Variants in ELAPOR2 observed in about 807,000 individuals in gnomAD.
The protein encoded by ELAPOR2 is endosome/lysosome-associated apoptosis and autophagy regulator family member 2.
ELAPOR2 carries 89 observed loss-of-function variants against 120.7 expected under a neutral mutation model. That is an observed-to-expected ratio of 0.74 (90% CI 0.62 to 0.88). The LOEUF is 0.88. Ranked by LOEUF, ELAPOR2 falls within the 40% of genes least tolerant of loss-of-function variation. The pLI is 0.00. For missense variants in ELAPOR2, 1,134 were observed against 1,251.6 expected (o/e 0.91, Z 1.42); for synonymous variants, 444 against 444.9 (o/e 1.00, Z 0.03).
chr7:87,023,672 T>C (rs1037910673), intron 1 of ELAPOR2, among the ~76,000 whole-genome samples: 3 of 152,220 alleles, frequency 2.0e-5, no homozygotes, highest in Admixed American at 6.5e-5. Context: ...GCCATTTTCA[T>C]GATATTGATT....
chr7:86,942,232 A>G (rs897232891), intron 4 of ELAPOR2, 128 bp from the exon 5 acceptor site: 3 of 539,098 alleles, frequency 5.6e-6, no homozygotes, highest in African/African-American at 3.8e-5. Context: ...GTAATTCTCA[A>G]TAAGTAAACA....
intron 1 of ELAPOR2, among the ~76,000 whole-genome samples, chr7:87,055,254 TAA>T (rs1257151908): frequency 6.6e-6 from 1 of 152,174 alleles, no homozygotes; most frequent in Non-Finnish European, 1.5e-5. Flanking sequence ...TCAGGGAGGT[TAA>T]GAGGCACCAT....
At chr7:86,926,940 A>C (rs2116235986) in intron 8 of ELAPOR2, 24 bp from the exon 9 acceptor site, 1 of 1,459,366 alleles carries the variant, frequency 6.9e-7, no homozygotes, top group Non-Finnish European at 9.0e-7. Flanking sequence ...AAAAAAAAAA[A>C]AGCAACCAAG....
At chr7:86,999,681 T>C (rs1767724) in intron 1 of ELAPOR2, among the ~76,000 whole-genome samples, 57,515 of 151,954 alleles carry the variant, frequency 0.38, 11,735 homozygotes, top group African/African-American at 0.53. Context: ...ATAACTAGCT[T>C]TGTCTATGGT....
intron 1 of ELAPOR2, among the ~76,000 whole-genome samples, chr7:86,986,021 C>T (rs149789625): frequency 6.6e-6 from 1 of 151,962 alleles, no homozygotes; most frequent in Admixed American, 6.6e-5. Context: ...TGCCTTCTCT[C>T]ACCACTCCTA....
chr7:87,053,201 A>G (rs1294783645), intron 1 of ELAPOR2, among the ~76,000 whole-genome samples: 1 of 152,240 alleles, frequency 6.6e-6, no homozygotes, highest in Non-Finnish European at 1.5e-5. Flanking sequence ...TTATAACTGA[A>G]AAAGCAGAAA....
chr7:86,939,448 T>C (rs932647646), intron 6 of ELAPOR2, among the ~76,000 whole-genome samples: 1 of 152,032 alleles, frequency 6.6e-6, no homozygotes, highest in Non-Finnish European at 1.5e-5. Context: ...AAGCCCACAA[T>C]GAACATATTA....
Position 86,938,825 on chromosome 7 carries a change from T to C in ELAPOR2, c.983A>G (p.Asp328Gly), listed in dbSNP as rs142909784. ...KGAKECIRCK[D>G]DSQFSEEGSS... The stretch of plus-strand genomic sequence containing the variant: ...AGTTCTACCTGAAAATTGAGAGTCG[T>C]CTTTACACCTTATACATTCTTTGGC... The change falls in exon 7 of 22, where the codon GAC (aspartate) becomes GGC (glycine). Residue 328 changes from aspartate to glycine, a missense_variant. Transcript: ENST00000450689. The C allele has an allele frequency of 9.9e-6, 16 of 1,613,082 alleles. No homozygotes were observed. The highest frequency in any genetic ancestry group is 9.4e-5 in the African/African-American group (7 of 74,850).
chr7:86,916,197 G>C (rs1789560928), intron 12 of ELAPOR2, among the ~76,000 whole-genome samples: 1 of 152,084 alleles, frequency 6.6e-6, no homozygotes, highest in Non-Finnish European at 1.5e-5. Flanking sequence ...AAGTGGGAGA[G>C]ACAAAAACAT....
intron 18 of ELAPOR2, among the ~76,000 whole-genome samples, chr7:86,900,644 T>G (rs1156761591): frequency 6.6e-6 from 1 of 152,214 alleles, no homozygotes; most frequent in African/African-American, 2.4e-5. Flanking sequence ...ACTCTTAGCT[T>G]AACTCAAAAT....
chr7:86,955,986 GA>G (rs1338398611), intron 2 of ELAPOR2, among the ~76,000 whole-genome samples: 3 of 150,208 alleles, frequency 2.0e-5, no homozygotes, highest in Admixed American at 6.6e-5. Flanking sequence ...AAAAGAAAAA[GA>G]AAAAAAGAAA....
At chr7:86,919,150 A>G (rs1352449026) in intron 11 of ELAPOR2, 70 bp downstream of exon 11, 2 of 1,069,696 alleles carry the variant, frequency 1.9e-6, no homozygotes, top group African/African-American at 3.2e-5. Context: ...AAGTAGCCCT[A>G]CTTCTTTATT....
chr7:86,922,045 G>A (rs895136616), intron 10 of ELAPOR2, among the ~76,000 whole-genome samples: 6 of 151,928 alleles, frequency 3.9e-5, no homozygotes, highest in Non-Finnish European at 7.4e-5. Flanking sequence ...TAAAAATTAA[G>A]ATTTTTTTTT....
intron 3 of ELAPOR2, among the ~76,000 whole-genome samples, chr7:86,946,836 G>T (rs1464416968): frequency 6.6e-6 from 1 of 152,112 alleles, no homozygotes; most frequent in Non-Finnish European, 1.5e-5. Context: ...AAGATCTGAG[G>T]TCCCACAACA....
chr7:86,961,304 AG>A (rs1272827902), intron 2 of ELAPOR2, among the ~76,000 whole-genome samples: 1 of 152,208 alleles, frequency 6.6e-6, no homozygotes, highest in Non-Finnish European at 1.5e-5. Flanking sequence ...TGGAAAAAAT[AG>A]GAAAACAACA....
In ELAPOR2 at chr7:86,977,985, T is replaced by C. The variant is rs141773852; in HGVS notation, c.190-12961A>G. 2.5e-3 allele frequency among the ~76,000 whole-genome samples: 385 copies of C among 152,334 alleles called. 2 individuals are homozygous for C. Among genetic ancestry groups the C allele is most frequent in the African/African-American group, 8.9e-3 (370 of 41,580 alleles). On this transcript the variant is annotated intron_variant, in intron 1 of 21. Coordinates refer to ENST00000450689, the MANE Select transcript of ELAPOR2 (RefSeq NM_001142749.3). ...CATATTTTTAAAAGTTATATATTAA[T>C]ATGTCATGGTCACTTCCTGATATGG...
intron 2 of ELAPOR2, among the ~76,000 whole-genome samples, chr7:86,952,480 A>C (rs1269809841): frequency 6.6e-6 from 1 of 152,222 alleles, no homozygotes; most frequent in East Asian, 1.9e-4. Context: ...AGGGCAAACA[A>C]TTCCAACCAA....
chr7:86,883,467 T>G (rs752577484), intron 21 of ELAPOR2, among the ~76,000 whole-genome samples: 40 of 152,216 alleles, frequency 2.6e-4, no homozygotes, highest in Non-Finnish European at 3.4e-4. Context: ...AGTAGCTTTA[T>G]TCATTGTCAA....
intron 10 of ELAPOR2, among the ~76,000 whole-genome samples, chr7:86,924,374 T>TACAC (rs3057442): frequency 0.039 from 5,650 of 145,252 alleles, 135 homozygotes; most frequent in African/African-American, 0.058. Context: ...AGTAAGTGAA[T>TACAC]ACACACACAC....
Sources: allele counts gnomAD v4.1 joint callset (sites outside exome capture counted in the v4.1 genomes callset), GRCh38; gene constraint gnomAD v4.1.1; transcripts MANE v1.5; gene names NCBI Gene and HGNC (gene_info 2026-07-23, HGNC 2026-07-21).